Variants in LRBA observed in about 807,000 individuals in gnomAD.
LRBA encodes the protein LPS responsive beige-like anchor protein.
A neutral mutation model predicts 330.0 loss-of-function variants in LRBA; 176 were observed. That is an observed-to-expected ratio of 0.53 (90% CI 0.47 to 0.60). The LOEUF is 0.60. Ranked by LOEUF, LRBA falls within the 20% of genes least tolerant of loss-of-function variation. LRBA has a pLI of 0.00. For missense variants in LRBA, 3,259 were observed against 3,444.8 expected, an observed-to-expected ratio of 0.95 and a Z score of 1.35; for synonymous variants, 1,230 against 1,193.0, an observed-to-expected ratio of 1.03 and a Z score of -0.64.
chr4:150,839,531 T>C (rs964931678), intron 28 of LRBA, among the ~76,000 whole-genome samples: 1 of 152,174 alleles, frequency 6.6e-6, no homozygotes, highest in African/African-American at 2.4e-5. Context: ...ATGTGGCACA[T>C]ATACACCATG....
intron 38 of LRBA, chr4:150,597,176 T>A: frequency 2.5e-6 from 2 of 786,494 alleles, no homozygotes; most frequent in Non-Finnish European, 4.1e-6. Flanking sequence ...GTAATCAGAG[T>A]GAAATCTACT....
At chr4:150,552,359 A>C (rs1185243274) in intron 40 of LRBA, among the ~76,000 whole-genome samples, 1 of 152,160 alleles carries the variant, frequency 6.6e-6, no homozygotes, top group African/African-American at 2.4e-5. Flanking sequence ...AATTTCTCAA[A>C]AGAAGACATT....
At chr4:150,732,335 G>T (rs577471006) in intron 36 of LRBA, among the ~76,000 whole-genome samples, 3 of 152,106 alleles carry the variant, frequency 2.0e-5, no homozygotes, top group Non-Finnish European at 4.4e-5. Context: ...TTGCATGTTT[G>T]TGAGTGTCAA....
chr4:150,337,561 C>T (rs1189665345), intron 48 of LRBA, among the ~76,000 whole-genome samples: 1 of 152,138 alleles, frequency 6.6e-6, no homozygotes, highest in African/African-American at 2.4e-5. Flanking sequence ...TCAATTAAAA[C>T]CTGACTAATC....
chr4:150,288,521 G>A (rs2126790109), intron 53 of LRBA, among the ~76,000 whole-genome samples: 1 of 152,160 alleles, frequency 6.6e-6, no homozygotes, highest in Non-Finnish European at 1.5e-5. Context: ...CCTGGGAGGT[G>A]GAGGTTGCAG....
chr4:150,751,260 G>A (rs1223035300), intron 35 of LRBA, among the ~76,000 whole-genome samples: 1 of 152,050 alleles, frequency 6.6e-6, no homozygotes, highest in Admixed American at 6.6e-5. Flanking sequence ...GAGAAGAAGG[G>A]AAGCATATAT....
chr4:150,365,995 C>T (rs985863779), intron 47 of LRBA, among the ~76,000 whole-genome samples: 12 of 152,116 alleles, frequency 7.9e-5, no homozygotes, highest in South Asian at 4.2e-4. Context: ...AATACTTCCA[C>T]GTAATAACAC....
At chr4:150,389,691 A>AAAAAAG (rs1554015143) in intron 47 of LRBA, among the ~76,000 whole-genome samples, 1 of 150,712 alleles carries the variant, frequency 6.6e-6, no homozygotes. Flanking sequence ...AAAAAAAAAA[A>AAAAAAG]AAAAAAGAAA....
At chr4:150,746,138 ATACAG>A (rs1350014097) in intron 35 of LRBA, among the ~76,000 whole-genome samples, 1 of 152,250 alleles carries the variant, frequency 6.6e-6, no homozygotes, top group Non-Finnish European at 1.5e-5. Flanking sequence ...TATGAAACAC[ATACAG>A]TATTTATGTG....
rs1438370363 is a variant in LRBA at position 150,849,431 on chromosome 4, T to C, written c.4149A>G (p.Thr1383=). Residue 1383 remains threonine, a synonymous_variant, in exon 25 of 57, where the codon ACA becomes ACG. Coordinates refer to ENST00000651943, the MANE Select transcript of LRBA (RefSeq NM_001364905.1). The stretch of plus-strand genomic sequence containing the variant: ...GTAATTAAGTCCTTACTGTAGCCGA[T>C]GTAGCAGCTGAAAGCAATGGCAGTA... ...GGILPLLSAA[T]SATHELENIE... 2 of 1,613,770 alleles carry C rather than the reference T, an allele frequency of 1.2e-6. No individual in the cohort carries two copies. The highest frequency in any genetic ancestry group is 1.7e-6 in the Non-Finnish European group (2 of 1,179,876).
At chr4:150,775,825 A>AAAAG (rs1156772562) in intron 34 of LRBA, among the ~76,000 whole-genome samples, 56 of 147,012 alleles carry the variant, frequency 3.8e-4, no homozygotes, top group Non-Finnish European at 6.5e-4. Context: ...AAAAAAAAAA[A>AAAAG]AAGACCAGCA....
intron 2 of LRBA, among the ~76,000 whole-genome samples, chr4:150,977,306 A>G (rs1163763827): frequency 6.6e-6 from 1 of 152,200 alleles, no homozygotes; most frequent in Non-Finnish European, 1.5e-5. Context: ...GAAACCAGGC[A>G]GTCATGAGGA....
intron 40 of LRBA, among the ~76,000 whole-genome samples, chr4:150,522,895 G>A (rs967188872): frequency 1.3e-5 from 2 of 152,190 alleles, no homozygotes; most frequent in South Asian, 4.1e-4. Flanking sequence ...GCCCCCACTA[G>A]GGCAATGCCT....
intron 26 of LRBA, among the ~76,000 whole-genome samples, chr4:150,846,849 G>A (rs549052769): frequency 6.6e-6 from 1 of 152,178 alleles, no homozygotes; most frequent in South Asian, 2.1e-4. Context: ...ATGGTACTGG[G>A]GTGGATTAAA....
chr4:150,421,912 G>T (rs1195857848), intron 46 of LRBA, among the ~76,000 whole-genome samples: 2 of 152,050 alleles, frequency 1.3e-5, no homozygotes, highest in Non-Finnish European at 2.9e-5. Flanking sequence ...GACTTTTCCT[G>T]CTTTCAAAAT....
chr4:150,910,440 T>C (rs994550085), intron 9 of LRBA, among the ~76,000 whole-genome samples: 1 of 152,174 alleles, frequency 6.6e-6, no homozygotes, highest in Non-Finnish European at 1.5e-5. Flanking sequence ...CTTTCCCCAG[T>C]ATGTGGCCTT....
chr4:150,955,779 C>A (rs952857337), intron 2 of LRBA, among the ~76,000 whole-genome samples: 1 of 148,086 alleles, frequency 6.8e-6, no homozygotes. Context: ...GTAATCCCAG[C>A]TACTTGGGAG....
intron 47 of LRBA, among the ~76,000 whole-genome samples, chr4:150,398,092 T>A (rs12648307): frequency 0.87 from 132,539 of 152,146 alleles, 58,597 homozygotes; most frequent in Non-Finnish European, 0.96. Context: ...AAATAAGGGA[T>A]CATGAGATCC....
At chr4:150,638,124 T>C (rs769537196) in intron 37 of LRBA, among the ~76,000 whole-genome samples, 1 of 151,678 alleles carries the variant, frequency 6.6e-6, no homozygotes, top group Non-Finnish European at 1.5e-5. Flanking sequence ...CTCTGCCTCC[T>C]GGGTTCAAGC....
Sources: allele counts gnomAD v4.1 joint callset (sites outside exome capture counted in the v4.1 genomes callset), GRCh38; gene constraint gnomAD v4.1.1; transcripts MANE v1.5; gene names NCBI Gene and HGNC (gene_info 2026-07-23, HGNC 2026-07-21).